Variants in CCSER1 observed in about 807,000 individuals in gnomAD.
The protein encoded by CCSER1 is serine-rich coiled-coil domain-containing protein 1.
CCSER1 carries 41 observed loss-of-function variants against 82.0 expected under a neutral mutation model. The observed-to-expected ratio is 0.50, with a 90% CI of 0.39 to 0.65. The LOEUF (loss-of-function observed/expected upper bound fraction) is 0.65. Among genes scored for constraint, CCSER1 ranks in the 30% least tolerant of loss-of-function variants. The probability of loss-of-function intolerance (pLI) is 0.00; values close to 1 mark genes in which losing one functional copy is unlikely to be tolerated. For synonymous variants in CCSER1, 414 were observed against 383.9 expected (o/e 1.08, Z -0.92); for missense variants, 1,119 against 1,064.2 (o/e 1.05, Z -0.72).
intron 10 of CCSER1, among the ~76,000 whole-genome samples, chr4:91,183,443 G>C (rs779418932): frequency 1.9e-4 from 29 of 152,166 alleles, no homozygotes; most frequent in Non-Finnish European, 3.8e-4. Flanking sequence ...AATCCAATTA[G>C]TTAATTTCAA....
chr4:90,309,681 C>T (rs1408901984), intron 2 of CCSER1, 73 bp downstream of exon 2: 4 of 1,193,002 alleles, frequency 3.4e-6, no homozygotes, highest in African/African-American at 3.1e-5. Flanking sequence ...TTTCTTATTC[C>T]ATCTCATGAA....
chr4:91,249,968 T>C (rs1740128228), intron 10 of CCSER1, among the ~76,000 whole-genome samples: 1 of 152,096 alleles, frequency 6.6e-6, no homozygotes, highest in Non-Finnish European at 1.5e-5. Flanking sequence ...AAAAACAGCT[T>C]TCTCAGAATG....
At chr4:91,187,459 C>T (rs1450698481) in intron 10 of CCSER1, among the ~76,000 whole-genome samples, 1 of 151,872 alleles carries the variant, frequency 6.6e-6, no homozygotes, top group East Asian at 1.9e-4. Context: ...TATGAAATAA[C>T]TTAAGATGTT....
chr4:91,413,837 C>A (rs1753203403), intron 10 of CCSER1, among the ~76,000 whole-genome samples: 2 of 152,052 alleles, frequency 1.3e-5, no homozygotes, highest in South Asian at 4.1e-4. Context: ...AAAAGGCTAT[C>A]AGCAGACTTC....
intron 4 of CCSER1, among the ~76,000 whole-genome samples, chr4:90,454,559 C>A (rs993003611): frequency 3.9e-5 from 6 of 152,104 alleles, no homozygotes; most frequent in African/African-American, 1.2e-4. Flanking sequence ...CCAGTATGCA[C>A]ACCTGAGAGT....
At chr4:90,580,574 C>T (rs1462361146) in intron 5 of CCSER1, among the ~76,000 whole-genome samples, 3 of 152,176 alleles carry the variant, frequency 2.0e-5, no homozygotes, top group Non-Finnish European at 4.4e-5. Flanking sequence ...TATAGAAATA[C>T]TCTTACCAGG....
At chr4:90,161,427 T>C (rs530988678) in intron 1 of CCSER1, among the ~76,000 whole-genome samples, 1 of 152,254 alleles carries the variant, frequency 6.6e-6, no homozygotes, top group African/African-American at 2.4e-5. Context: ...AAATATAGAA[T>C]TTACATATTG....
chr4:90,496,786 G>T (rs1456917375), intron 5 of CCSER1, among the ~76,000 whole-genome samples: 1 of 151,964 alleles, frequency 6.6e-6, no homozygotes, highest in African/African-American at 2.4e-5. Flanking sequence ...AGACCATCCT[G>T]GCCAACATGG....
chr4:90,940,930 T>C (rs1731510506), intron 9 of CCSER1, among the ~76,000 whole-genome samples: 1 of 152,106 alleles, frequency 6.6e-6, no homozygotes, highest in Non-Finnish European at 1.5e-5. Context: ...TGCTGGTGGG[T>C]TGTAGAATAG....
intron 10 of CCSER1, among the ~76,000 whole-genome samples, chr4:91,322,341 T>C (rs964939399): frequency 1.3e-5 from 2 of 152,110 alleles, no homozygotes; most frequent in African/African-American, 4.8e-5. Context: ...ATTGTAACTA[T>C]CTGAGTCTCT....
intron 3 of CCSER1, among the ~76,000 whole-genome samples, chr4:90,325,148 T>C (rs1235076042): frequency 6.6e-6 from 1 of 152,210 alleles, no homozygotes; most frequent in East Asian, 1.9e-4. Context: ...GCCTGAATAT[T>C]TGTTCAGTTT....
intron 1 of CCSER1, among the ~76,000 whole-genome samples, chr4:90,209,212 C>T (rs867411365): frequency 1.3e-5 from 2 of 152,066 alleles, no homozygotes; most frequent in African/African-American, 4.8e-5. Flanking sequence ...AAATAGATGG[C>T]GGTATGGGTG....
intron 9 of CCSER1, among the ~76,000 whole-genome samples, chr4:90,958,713 C>G (rs1292466515): frequency 6.6e-6 from 1 of 152,134 alleles, no homozygotes; most frequent in Non-Finnish European, 1.5e-5. Flanking sequence ...TCCAGAGTGA[C>G]TGCCACATGA....
At chr4:91,195,864 C>T (rs971660911) in intron 10 of CCSER1, among the ~76,000 whole-genome samples, 5 of 152,018 alleles carry the variant, frequency 3.3e-5, no homozygotes, top group Non-Finnish European at 7.4e-5. Context: ...TGATTCACAC[C>T]GTTCCCTTTC....
chr4:90,738,579 C>G (rs72875636), intron 7 of CCSER1, among the ~76,000 whole-genome samples: 1,704 of 152,240 alleles, frequency 0.011, 34 homozygotes, highest in African/African-American at 0.039. Context: ...CAACACAGCA[C>G]TGTGTCTTCC....
At chr4:90,361,557 A>G (rs4399947) in intron 3 of CCSER1, among the ~76,000 whole-genome samples, 51,399 of 152,022 alleles carry the variant, frequency 0.34, 9,559 homozygotes, top group African/African-American at 0.49. Flanking sequence ...TTATATGCAT[A>G]TATTATGTGA....
intron 10 of CCSER1, among the ~76,000 whole-genome samples, chr4:91,430,377 T>C (rs1384996746): frequency 6.6e-6 from 1 of 152,226 alleles, no homozygotes; most frequent in Non-Finnish European, 1.5e-5. Flanking sequence ...AAATTTACTT[T>C]ACTACAGACT....
At chr4:90,418,006 AT>A (rs1475370180) in intron 4 of CCSER1, among the ~76,000 whole-genome samples, 2 of 152,136 alleles carry the variant, frequency 1.3e-5, no homozygotes, top group African/African-American at 4.8e-5. Flanking sequence ...ACAGCACTTA[AT>A]TTTTGAAGTA....
In CCSER1 at chr4:90,337,080, T is replaced by C. The variant is rs1033915456; in HGVS notation, c.1509+24033T>C. 7.9e-5 allele frequency among the ~76,000 whole-genome samples: 12 copies of C among 152,232 alleles called. No homozygotes were observed. The South Asian group carries it at 1.2e-3, about 16-fold the overall frequency. On this transcript the variant is annotated intron_variant, in intron 3 of 10. Coordinates refer to ENST00000509176, the MANE Select transcript of CCSER1 (RefSeq NM_001145065.2). ...CAATAAGGCCTGAATATCTGTTCTC[T>C]GGCTCTTCCCATGTACCAGTTCTCT... is the stretch of plus-strand genomic sequence containing the variant.
Sources: allele counts gnomAD v4.1 joint callset (sites outside exome capture counted in the v4.1 genomes callset), GRCh38; gene constraint gnomAD v4.1.1; transcripts MANE v1.5; gene names NCBI Gene and HGNC (gene_info 2026-07-23, HGNC 2026-07-21).